Variants in RANBP17 observed in about 807,000 individuals in gnomAD.
The protein encoded by RANBP17 is RAN binding protein 17.
In RANBP17, 158 loss-of-function variants were observed where a neutral mutation model predicts 141.2. That is an observed-to-expected ratio of 1.12 (90% confidence interval 0.98 to 1.28). RANBP17 has a LOEUF of 1.28. Among genes scored for constraint, RANBP17 ranks in the 50% most tolerant of loss-of-function variants. RANBP17 has a pLI of 0.00. For missense variants in RANBP17, 1,438 were observed against 1,290.7 expected, an observed-to-expected ratio of 1.11 and a Z score of -1.75; for synonymous variants, 430 against 450.0, an observed-to-expected ratio of 0.96 and a Z score of 0.56.
chr5:170,922,355 T>C (rs1357042246), intron 11 of RANBP17, among the ~76,000 whole-genome samples: 1 of 152,202 alleles, frequency 6.6e-6, no homozygotes, highest in Non-Finnish European at 1.5e-5. Flanking sequence ...GAACCACTGC[T>C]TTCTTCAGAG....
intron 14 of RANBP17, among the ~76,000 whole-genome samples, chr5:171,111,009 C>A (rs1755185068): frequency 6.6e-6 from 1 of 151,864 alleles, no homozygotes; most frequent in Non-Finnish European, 1.5e-5. Context: ...TATCCCTCCC[C>A]TCTCCCCCCA....
chr5:171,095,383 A>G (rs906159599), intron 14 of RANBP17, among the ~76,000 whole-genome samples: 6 of 152,196 alleles, frequency 3.9e-5, no homozygotes, highest in African/African-American at 1.2e-4. Context: ...CACAACAGGT[A>G]CAGAAATAGG....
At chr5:170,877,870 T>G (rs182750849) in intron 1 of RANBP17, among the ~76,000 whole-genome samples, 45 of 152,342 alleles carry the variant, frequency 3.0e-4, no homozygotes, top group Non-Finnish European at 5.9e-4. Flanking sequence ...CTCCCTTTCT[T>G]GTACTTTTCC....
At chr5:170,936,187 G>A (rs539469161) in intron 12 of RANBP17, among the ~76,000 whole-genome samples, 10 of 152,234 alleles carry the variant, frequency 6.6e-5, no homozygotes, top group South Asian at 4.1e-4. Context: ...TCCAGGTGCC[G>A]TCTGTCACAG....
intron 14 of RANBP17, among the ~76,000 whole-genome samples, chr5:171,072,805 C>T (rs923596589): frequency 2.0e-5 from 3 of 152,130 alleles, no homozygotes; most frequent in African/African-American, 2.4e-5. Context: ...TTTATAGCAG[C>T]TTTATTTATA....
intron 16 of RANBP17, among the ~76,000 whole-genome samples, chr5:171,182,025 T>C (rs1760892112): frequency 6.6e-6 from 1 of 152,216 alleles, no homozygotes; most frequent in Non-Finnish European, 1.5e-5. Flanking sequence ...CATGTTCCAA[T>C]GTGTTTTCCA....
rs1023886536 is a variant in RANBP17, at chr5:170,862,067, G to A, written c.18+16G>A. The A allele has an allele frequency of 2.8e-6, 4 of 1,449,810 alleles. No individual in the cohort carries two copies. Among genetic ancestry groups the A allele is most frequent in the Non-Finnish European group, 3.6e-6 (4 of 1,107,540 alleles). The allele number at this position is 1,449,810 out of a possible 1,614,324, so 89.8% of individuals were successfully genotyped here. A position where few individuals can be genotyped will look rare whatever the true frequency, so the allele number is the denominator to read the frequency against. ...GCACTTCCAGGTCAGTGTGCTCTGC[G>A]CCGCGGGCCCGCGCTCCGCCACGCT... is the stretch of plus-strand genomic sequence containing the variant. On this transcript the variant is annotated intron_variant, in intron 1 of 27. Transcript: ENST00000523189.
intron 14 of RANBP17, among the ~76,000 whole-genome samples, chr5:170,979,550 G>A (rs1777617117): frequency 6.6e-6 from 1 of 152,136 alleles, no homozygotes. Flanking sequence ...TGAATCATGG[G>A]ACAGGTCTTT....
At chr5:170,942,577 G>A (rs9313532) in intron 12 of RANBP17, among the ~76,000 whole-genome samples, 97,684 of 151,652 alleles carry the variant, frequency 0.64, 32,104 homozygotes, top group South Asian at 0.9. Context: ...ATGTGAGGAA[G>A]CTTTAAAAAA....
chr5:171,153,786 G>A (rs1463475028), intron 14 of RANBP17, among the ~76,000 whole-genome samples: 1 of 152,152 alleles, frequency 6.6e-6, no homozygotes, highest in East Asian at 1.9e-4. Context: ...AGTGGCTCAT[G>A]CCTGTAATCT....
At chr5:171,137,610 G>GTC (rs1412437862) in intron 14 of RANBP17, among the ~76,000 whole-genome samples, 6 of 122,432 alleles carry the variant, frequency 4.9e-5, no homozygotes, top group African/African-American at 1.6e-4. Context: ...GTGTGTCTGT[G>GTC]TGTGTGTGTG....
At chr5:171,131,575 T>G (rs1756924515) in intron 14 of RANBP17, among the ~76,000 whole-genome samples, 1 of 152,218 alleles carries the variant, frequency 6.6e-6, no homozygotes, top group Non-Finnish European at 1.5e-5. Flanking sequence ...GACCCACTCA[T>G]AAGAATAAGT....
intron 14 of RANBP17, among the ~76,000 whole-genome samples, chr5:171,064,670 C>G (rs1784182192): frequency 6.6e-6 from 1 of 152,242 alleles, no homozygotes; most frequent in South Asian, 2.1e-4. Context: ...GCACATGCCA[C>G]CATGCCCAGC....
At position 171,024,152 on chromosome 5, in the gene RANBP17, T is replaced by C. The variant is rs78863941; in HGVS notation, c.1710+55775T>C. Among the ~76,000 whole-genome samples, 199 of 152,262 alleles carry C rather than the reference T, an allele frequency of 1.3e-3. 1 individual carries two copies. Among genetic ancestry groups the C allele is most frequent in the African/African-American group, 4.7e-3 (194 of 41,564 alleles). ...TTGCATTCCATTGGAATCAGAAACATTTAATAACTGCAAATCAAAAAGGTA... is the reference window on the plus strand; with the variant it reads ...TTGCATTCCATTGGAATCAGAAACACTTAATAACTGCAAATCAAAAAGGTA... On this transcript the variant is annotated intron_variant, in intron 14 of 27. Transcript: ENST00000523189.
chr5:171,068,215 A>G lies in RANBP17; in HGVS notation c.1710+99838A>G, dbSNP rs373197989. ...AGCTCTTATAATTTTATTTTCTTTCAGCTATTGTGCTTTTCAACTCCAGAA... is the reference window on the plus strand; with the variant it reads ...AGCTCTTATAATTTTATTTTCTTTCGGCTATTGTGCTTTTCAACTCCAGAA... On this transcript the variant is annotated intron_variant, in intron 14 of 27. Coordinates refer to ENST00000523189, the MANE Select transcript of RANBP17 (RefSeq NM_022897.5). 2.6e-5 allele frequency among the ~76,000 whole-genome samples: 4 copies of G among 151,744 alleles called. No homozygotes were observed. The East Asian group carries it at 7.7e-4, about 29-fold the overall frequency.
At chr5:170,988,671 T>A (rs1467415933) in intron 14 of RANBP17, among the ~76,000 whole-genome samples, 1 of 151,662 alleles carries the variant, frequency 6.6e-6, no homozygotes, top group Non-Finnish European at 1.5e-5. Context: ...GATAAAAGAT[T>A]TTCATAATTA....
At chr5:171,188,156 T>C (rs996918396) in intron 18 of RANBP17, among the ~76,000 whole-genome samples, 1 of 152,132 alleles carries the variant, frequency 6.6e-6, no homozygotes, top group African/African-American at 2.4e-5. Context: ...TAAGGAAAGA[T>C]TAAAAGAACC....
At chr5:170,924,923 A>G (rs1772794532) in intron 12 of RANBP17, 1 of 156,248 alleles carries the variant, frequency 6.4e-6, no homozygotes, top group Non-Finnish European at 1.4e-5. Context: ...ATAATATATC[A>G]TTGTGATTTT....
chr5:171,008,316 G>A (rs1779795074), intron 14 of RANBP17, among the ~76,000 whole-genome samples: 1 of 152,322 alleles, frequency 6.6e-6, no homozygotes, highest in Non-Finnish European at 1.5e-5. Flanking sequence ...TTGGTCTGAG[G>A]ACCCGAGGTC....
Sources: allele counts gnomAD v4.1 joint callset (sites outside exome capture counted in the v4.1 genomes callset), GRCh38; gene constraint gnomAD v4.1.1; transcripts MANE v1.5; gene names NCBI Gene and HGNC (gene_info 2026-07-23, HGNC 2026-07-21).